The following ATP2B2 variants were observed in gnomAD, a reference collection of about 807,000 sequenced individuals.
ATP2B2 encodes the protein plasma membrane calcium-transporting ATPase 2.
ATP2B2 carries 15 observed loss-of-function variants against 120.0 expected under a neutral mutation model. The ratio of observed to expected loss-of-function variants is 0.12; its 90% CI spans 0.08 to 0.19. The LOEUF is 0.19. ATP2B2 is among the 10% of genes least tolerant of loss of function. The probability of loss-of-function intolerance (pLI) is 1.00; values close to 1 mark genes in which losing one functional copy is unlikely to be tolerated. For synonymous variants in ATP2B2, 694 were observed against 700.3 expected (o/e 0.99, Z 0.14); for missense variants, 1,045 against 1,719.8 (o/e 0.61, Z 6.94).
chr3:10,658,508 A>G (rs2070696804), intron 1 of ATP2B2, among the ~76,000 whole-genome samples: 1 of 152,250 alleles, frequency 6.6e-6, no homozygotes, highest in Admixed American at 6.5e-5. Context: ...TTGAAGATCA[A>G]ATGAATGAAA....
chr3:10,519,209 C>A (rs1290080447), intron 3 of ATP2B2, among the ~76,000 whole-genome samples: 1 of 152,208 alleles, frequency 6.6e-6, no homozygotes, highest in African/African-American at 2.4e-5. Context: ...GGGCACTGTG[C>A]TGAACTTGAC....
At chr3:10,353,877 G>T (rs2060642322) in intron 14 of ATP2B2, among the ~76,000 whole-genome samples, 1 of 152,154 alleles carries the variant, frequency 6.6e-6, no homozygotes. Context: ...TGTAAAATGG[G>T]TACAATAGTA....
At chr3:10,619,452 G>C (rs2069486090) in intron 2 of ATP2B2, among the ~76,000 whole-genome samples, 1 of 152,190 alleles carries the variant, frequency 6.6e-6, no homozygotes, top group Admixed American at 6.5e-5. Context: ...CCATCTGATG[G>C]CGTTAAAAGA....
intron 2 of ATP2B2, among the ~76,000 whole-genome samples, chr3:10,439,811 T>G (rs1438501238): frequency 6.6e-6 from 1 of 151,446 alleles, no homozygotes; most frequent in African/African-American, 2.4e-5. Context: ...AGGCCAGGAG[T>G]TCAAGACCAG....
chr3:10,547,217 C>A (rs905163392), intron 2 of ATP2B2, among the ~76,000 whole-genome samples: 2 of 152,052 alleles, frequency 1.3e-5, no homozygotes, highest in African/African-American at 4.8e-5. Context: ...TGGGCTGGGA[C>A]TCAGCGGCTC....
At chr3:10,511,011 C>T (rs1407443706) in intron 3 of ATP2B2, among the ~76,000 whole-genome samples, 5 of 152,170 alleles carry the variant, frequency 3.3e-5, no homozygotes, top group Non-Finnish European at 5.9e-5. Context: ...GCATCAAATC[C>T]AAACTCCTCA....
chr3:10,600,668 C>G (rs374964910), intron 2 of ATP2B2, among the ~76,000 whole-genome samples: 1 of 152,234 alleles, frequency 6.6e-6, no homozygotes, highest in South Asian at 2.1e-4. Flanking sequence ...CTGCCGCCCC[C>G]TCCCTGCCCC....
chr3:10,342,348 G>T lies in ATP2B2; in HGVS notation c.2917+404C>A, dbSNP rs1462069549. 6.6e-6 allele frequency among the ~76,000 whole-genome samples: 1 copy of T among 152,126 alleles called. No homozygotes were observed. The highest frequency in any genetic ancestry group is 2.4e-5 in the African/African-American group (1 of 41,422). On this transcript the variant is annotated intron_variant, in intron 19 of 22. Coordinates refer to ENST00000360273, the MANE Select transcript of ATP2B2 (RefSeq NM_001001331.4). The surrounding 1 kb of genome is among the most constrained non-coding windows in gnomAD (Gnocchi z 4.4). ...TGTGAGCGTGTATGCCCTGCCCCAG[G>T]AAGCCTTGCTGAGGGTCCCTTCCAC...
intron 2 of ATP2B2, among the ~76,000 whole-genome samples, chr3:10,601,649 C>T (rs1286694283): frequency 1.3e-5 from 2 of 152,224 alleles, no homozygotes; most frequent in African/African-American, 2.4e-5. Flanking sequence ...CAGGCACCTC[C>T]TCATTAAGAC....
chr3:10,586,643 T>A (rs1293574135), intron 2 of ATP2B2, among the ~76,000 whole-genome samples: 1 of 152,172 alleles, frequency 6.6e-6, no homozygotes, highest in African/African-American at 2.4e-5. Context: ...TTTAAATGGA[T>A]GTGCATCCTT....
chr3:10,431,289 C>T (rs555264448), intron 2 of ATP2B2, among the ~76,000 whole-genome samples: 2 of 152,322 alleles, frequency 1.3e-5, no homozygotes, highest in South Asian at 4.1e-4. Flanking sequence ...TGCTATCAAA[C>T]AGCATCGCAT....
intron 1 of ATP2B2, among the ~76,000 whole-genome samples, chr3:10,644,276 G>A (rs577533403): frequency 9.2e-5 from 14 of 152,144 alleles, no homozygotes; most frequent in Non-Finnish European, 1.6e-4. Flanking sequence ...TTTTGGCAAG[G>A]GTGTGGAGAA....
At chr3:10,525,916 C>T (rs2067081946) in intron 3 of ATP2B2, among the ~76,000 whole-genome samples, 2 of 152,150 alleles carry the variant, frequency 1.3e-5, no homozygotes, top group African/African-American at 2.4e-5. Context: ...TCATCTGCTT[C>T]GCAACTGTAT....
At chr3:10,603,743 TCA>T (rs1202250094) in intron 2 of ATP2B2, among the ~76,000 whole-genome samples, 3 of 152,106 alleles carry the variant, frequency 2.0e-5, no homozygotes, top group Admixed American at 1.3e-4. Flanking sequence ...GCTGAGGTGT[TCA>T]CAGATCTTCG....
At chr3:10,626,443 C>G (rs1254543641) in intron 1 of ATP2B2, 1 of 152,202 alleles carries the variant, frequency 6.6e-6, no homozygotes, top group Non-Finnish European at 1.5e-5. Context: ...CTTTTCATCT[C>G]TACCCCACAG....
chr3:10,534,776 A>G (rs927972181), intron 2 of ATP2B2, among the ~76,000 whole-genome samples: 5 of 152,098 alleles, frequency 3.3e-5, no homozygotes, highest in Non-Finnish European at 7.4e-5. Context: ...TATAATATGC[A>G]TAAGTGCCGT....
intron 1 of ATP2B2, among the ~76,000 whole-genome samples, chr3:10,464,498 C>G (rs1450055391): frequency 2.0e-5 from 3 of 152,134 alleles, no homozygotes; most frequent in Non-Finnish European, 4.4e-5. Flanking sequence ...AGCCCTAGCT[C>G]CACACCATAG....
intron 1 of ATP2B2, among the ~76,000 whole-genome samples, chr3:10,694,411 A>C (rs1333734683): frequency 6.6e-6 from 1 of 152,230 alleles, no homozygotes; most frequent in African/African-American, 2.4e-5. Context: ...AAATGACATC[A>C]TGCAGTATGT....
chr3:10,428,112 C>T (rs1048296973), intron 2 of ATP2B2, among the ~76,000 whole-genome samples: 1 of 152,248 alleles, frequency 6.6e-6, no homozygotes, highest in Admixed American at 6.5e-5. Context: ...GGCTAGGCTG[C>T]CTGGCCTTGC....
Sources: gnomAD v4.1 joint callset for allele counts (sites outside exome capture counted in the v4.1 genomes callset) on GRCh38, gnomAD v4.1.1 for gene constraint, Gnocchi (gnomAD v3.1) non-coding constraint, MANE v1.5 for transcripts, NCBI Gene and HGNC (gene_info 2026-07-23, HGNC 2026-07-21) for gene names.